Variants in OTULINL observed in about 807,000 individuals in gnomAD.
The protein encoded by OTULINL is inactive ubiquitin thioesterase OTULINL.
Under a neutral mutation model 43.9 loss-of-function variants are expected in OTULINL, and 42 were observed. That is an observed-to-expected ratio of 0.96 (90% CI 0.75 to 1.24). The LOEUF (loss-of-function observed/expected upper bound fraction) is 1.24. Among genes scored for constraint, OTULINL ranks in the 50% most tolerant of loss-of-function variants. The probability of loss-of-function intolerance (pLI) is 0.00; values close to 1 mark genes in which losing one functional copy is unlikely to be tolerated. For synonymous variants in OTULINL, 172 were observed against 153.6 expected (o/e 1.12, Z -0.88); for missense variants, 411 against 426.4 (o/e 0.96, Z 0.32).
Position 14,608,038 on chromosome 5 carries a change from C to T in OTULINL, c.627+580C>T, listed in dbSNP as rs1321566404. Reference sequence around the variant, plus strand: ...GACGTAATACACAGAGAGCTTTAAACTGTGCAGAATACACAGTGAATGTTA... The same window carrying T: ...GACGTAATACACAGAGAGCTTTAAATTGTGCAGAATACACAGTGAATGTTA... On this transcript the variant is annotated intron_variant, in intron 6 of 7. Transcript: ENST00000274217. 2.0e-5 allele frequency among the ~76,000 whole-genome samples: 3 copies of T among 152,222 alleles called. No individual in the cohort carries two copies. The East Asian group carries it at 5.8e-4, about 29-fold the overall frequency.
At chr5:14,582,846 G>A (rs152765) in intron 1 of OTULINL, among the ~76,000 whole-genome samples, 39,975 of 140,858 alleles carry the variant, frequency 0.28, 7,959 homozygotes, top group African/African-American at 0.58. Flanking sequence ...AAAATCACCC[G>A]ACAAGGGCAG....
At position 14,601,106 on chromosome 5, in the gene OTULINL, C is replaced by T; in HGVS notation, c.206C>T (p.Ser69Leu). The T allele has an allele frequency of 1.2e-6, 2 of 1,612,058 alleles. No homozygotes were observed. The highest frequency in any genetic ancestry group is 1.7e-6 in the Non-Finnish European group (2 of 1,179,292). Residue 69 changes from serine (S) to leucine (L), a missense_variant, in exon 2 of 8, where the codon TCA (serine) becomes TTA (leucine). Physicochemically the swap from Ser to Leu is moderately radical, Grantham distance 145. Transcript: ENST00000274217. ...ICYFRRLHLY[S>L]GHKLKWWIGY... is the part of the protein sequence containing the mutation. ...TACTTCCGGAGGCTACATTTATATT[C>T]AGGGCACAAGCTGAAATGGTAGGTC...
chr5:14,593,489 T>C (rs1187798895), intron 1 of OTULINL, among the ~76,000 whole-genome samples: 3 of 152,184 alleles, frequency 2.0e-5, no homozygotes, highest in Non-Finnish European at 4.4e-5. Context: ...GAGTTGTCTC[T>C]CCCAGGCTGA....
Position 14,600,995 on chromosome 5 carries a change from C to G in OTULINL, c.95C>G (p.Ala32Gly). ...GSDQVHSWML[A>G]TSQALDTVWR... is the part of the protein sequence containing the mutation. ...GACCAAGTTCACTCCTGGATGCTAG[C>G]TACAAGCCAAGCCTTAGACACTGTC... The change falls in exon 2 of 8, where the codon GCT (alanine) becomes GGT (glycine). Residue 32 changes from alanine (A) to glycine (G), a missense_variant. Transcript: ENST00000274217. 6.4e-7 allele frequency: 1 copy of G among 1,551,038 alleles called. No homozygotes were observed. The highest frequency in any genetic ancestry group is 8.7e-7 in the Non-Finnish European group (1 of 1,151,714).
At chr5:14,592,053 A>G (rs1759213147) in intron 1 of OTULINL, among the ~76,000 whole-genome samples, 1 of 152,236 alleles carries the variant, frequency 6.6e-6, no homozygotes, top group Admixed American at 6.5e-5. Context: ...TAGTTGAGAC[A>G]GAGACCACAT....
chr5:14,582,789 C>A (rs1380018048), intron 1 of OTULINL, among the ~76,000 whole-genome samples: 1 of 121,268 alleles, frequency 8.2e-6, no homozygotes, highest in Non-Finnish European at 1.6e-5. Flanking sequence ...CACTCTCAGC[C>A]AGGGAGACAG....
rs372714970 is a variant in OTULINL, at chr5:14,598,744, A to T, written c.65-2221A>T. On this transcript the variant is annotated intron_variant, in intron 1 of 7. Coordinates refer to ENST00000274217, the MANE Select transcript of OTULINL (RefSeq NM_019018.3). ...AAAAAAGGCAATGCTTACATTTAGG[A>T]CAGTTTATACTGAAATATTATGCAT... Among the ~76,000 whole-genome samples the T allele has an allele frequency of 1.1e-4, 16 of 152,324 alleles. No individual in the cohort carries two copies. The South Asian group carries it at 3.1e-3, about 30-fold the overall frequency.
At chr5:14,590,575 CTT>C (rs1324585682) in intron 1 of OTULINL, among the ~76,000 whole-genome samples, 1 of 152,112 alleles carries the variant, frequency 6.6e-6, no homozygotes, top group East Asian at 1.9e-4. Context: ...GGGTTAAAGA[CTT>C]AGGGCGGGGA....
Position 14,614,976 on chromosome 5 carries a change from A to C in OTULINL, c.*4662A>C. 1 of 388,316 alleles carries C rather than the reference A, an allele frequency of 2.6e-6. No homozygotes were observed. Among genetic ancestry groups the C allele is most frequent in the Non-Finnish European group, 4.5e-6 (1 of 220,274 alleles). The allele number at this position is 388,316 out of a possible 1,614,324, so 24.1% of individuals were successfully genotyped here. On this transcript the variant is annotated 3_prime_UTR_variant, in exon 8 of 8. Transcript: ENST00000274217. ...TCTTGGGAAGTTTAGTCAAGAGAAT[A>C]TCCTTGAATAAAGAAGTACATGTTT...
At chr5:14,596,642 A>C (rs1442095077) in intron 1 of OTULINL, among the ~76,000 whole-genome samples, 1 of 152,142 alleles carries the variant, frequency 6.6e-6, no homozygotes, top group Non-Finnish European at 1.5e-5. Flanking sequence ...AGGACAGCCA[A>C]GTGGTAAAGG....
At chr5:14,608,254 T>TGGGTG in intron 6 of OTULINL, among the ~76,000 whole-genome samples, 1 of 152,254 alleles carries the variant, frequency 6.6e-6, no homozygotes, top group East Asian at 1.9e-4. Flanking sequence ...TACCATAAAT[T>TGGGTG]GGGTGGCTTA....
chr5:14,602,415 C>A, intron 5 of OTULINL, 83 bp downstream of exon 5: 1 of 1,294,668 alleles, frequency 7.7e-7, no homozygotes, highest in Non-Finnish European at 1.1e-6. Flanking sequence ...GGGCTTTGTA[C>A]TCAGATGACC....
chr5:14,606,008 G>A (rs913210039), intron 5 of OTULINL, among the ~76,000 whole-genome samples: 1 of 152,076 alleles, frequency 6.6e-6, no homozygotes, highest in Non-Finnish European at 1.5e-5. Flanking sequence ...CTTTTCAGCA[G>A]CACCCCAGTC....
chr5:14,608,424 G>T (rs985485152), intron 6 of OTULINL, among the ~76,000 whole-genome samples: 1 of 152,104 alleles, frequency 6.6e-6, no homozygotes, highest in Admixed American at 6.6e-5. Flanking sequence ...TAGCTCTTTG[G>T]CCTCTTCTTA....
chr5:14,589,330 G>C (rs1759158737), intron 1 of OTULINL, among the ~76,000 whole-genome samples: 1 of 152,194 alleles, frequency 6.6e-6, no homozygotes, highest in African/African-American at 2.4e-5. Flanking sequence ...GAATGAACTA[G>C]GGCATGGTTA....
Position 14,614,911 on chromosome 5 carries a change from C to T in OTULINL, c.*4597C>T, listed in dbSNP as rs1159547823. On this transcript the variant is annotated 3_prime_UTR_variant, in exon 8 of 8. Transcript: ENST00000274217. ...CTTAGATTGTTAAGTCATTTTGCTGCCACCAGACCAGTGAGAGTCACTCAC... is the reference window on the plus strand; with the variant it reads ...CTTAGATTGTTAAGTCATTTTGCTGTCACCAGACCAGTGAGAGTCACTCAC... 7.6e-6 allele frequency: 3 copies of T among 396,694 alleles called. No individual in the cohort carries two copies. Among genetic ancestry groups the T allele is most frequent in the Non-Finnish European group, 8.9e-6 (2 of 225,480 alleles). 24.6% of individuals were successfully genotyped at this position (396,694 alleles called of 1,614,324 possible). A position where few individuals can be genotyped will look rare whatever the true frequency, so the allele number is the denominator to read the frequency against.
chr5:14,599,183 G>A (rs1759342493), intron 1 of OTULINL, among the ~76,000 whole-genome samples: 1 of 152,178 alleles, frequency 6.6e-6, no homozygotes, highest in Admixed American at 6.5e-5. Flanking sequence ...AATTGTAAAT[G>A]TATCTTTAAA....
At chr5:14,602,100 C>A in intron 4 of OTULINL, 83 bp from the exon 5 acceptor site, 1 of 1,089,560 alleles carries the variant, frequency 9.2e-7, no homozygotes. Flanking sequence ...TTGGGAGGAA[C>A]ACCTCACTGA....
At chr5:14,591,131 G>A (rs1446241051) in intron 1 of OTULINL, among the ~76,000 whole-genome samples, 4 of 152,122 alleles carry the variant, frequency 2.6e-5, no homozygotes, top group Non-Finnish European at 5.9e-5. Context: ...ACCAGACCAC[G>A]TGCCACCAAA....
Sources: gnomAD v4.1 joint callset for allele counts (sites outside exome capture counted in the v4.1 genomes callset) on GRCh38, gnomAD v4.1.1 for gene constraint, MANE v1.5 for transcripts, NCBI Gene and HGNC (gene_info 2026-07-23, HGNC 2026-07-21) for gene names.